RAD51B: variants seen among roughly 807,000 people sequenced by gnomAD.
RAD51B encodes the protein DNA repair protein RAD51 homolog 2.
In RAD51B, 38 loss-of-function variants were observed where a neutral mutation model predicts 42.2. That is an observed-to-expected ratio of 0.90 (90% CI 0.70 to 1.18). RAD51B has a LOEUF of 1.18. Among genes scored for constraint, RAD51B ranks in the 50% most tolerant of loss-of-function variants. The pLI is 0.00. For missense variants in RAD51B, 373 were observed against 400.7 expected (o/e 0.93, Z 0.59); for synonymous variants, 154 against 145.2 (o/e 1.06, Z -0.43).
intron 9 of RAD51B, among the ~76,000 whole-genome samples, chr14:68,457,708 C>A (rs1488359427): frequency 6.6e-6 from 1 of 151,822 alleles, no homozygotes; most frequent in Non-Finnish European, 1.5e-5. Context: ...AAGCGATTCT[C>A]CTGCCTCAGC....
At chr14:68,201,924 G>A (rs184093861) in intron 7 of RAD51B, among the ~76,000 whole-genome samples, 24 of 152,314 alleles carry the variant, frequency 1.6e-4, no homozygotes, top group African/African-American at 5.5e-4. Flanking sequence ...AAGCACAGGT[G>A]TGTCAAAGCA....
chr14:68,396,044 C>T (rs904543878), intron 8 of RAD51B, among the ~76,000 whole-genome samples: 13 of 152,102 alleles, frequency 8.5e-5, no homozygotes, highest in South Asian at 2.1e-4. Flanking sequence ...AAAACAAGGA[C>T]GGACTCCTGG....
chr14:68,515,939 C>T (rs1028837744), intron 10 of RAD51B, among the ~76,000 whole-genome samples: 5 of 151,924 alleles, frequency 3.3e-5, no homozygotes, highest in Non-Finnish European at 7.4e-5. Flanking sequence ...GCACCCACCA[C>T]CATGCCCGGG....
chr14:68,308,610 T>C (rs1177131328), intron 8 of RAD51B, among the ~76,000 whole-genome samples: 1 of 150,900 alleles, frequency 6.6e-6, no homozygotes, highest in Non-Finnish European at 1.5e-5. Context: ...TAGAGGAGGC[T>C]GAATCAGATG....
intron 8 of RAD51B, among the ~76,000 whole-genome samples, chr14:68,317,124 T>C (rs1038950608): frequency 1.3e-5 from 2 of 152,154 alleles, no homozygotes; most frequent in Non-Finnish European, 2.9e-5. Flanking sequence ...TTAGCACTTA[T>C]ATTTCAGAAC....
intron 10 of RAD51B, among the ~76,000 whole-genome samples, chr14:68,505,911 G>A (rs118020321): frequency 6.6e-6 from 1 of 152,336 alleles, no homozygotes; most frequent in Non-Finnish European, 1.5e-5. Flanking sequence ...ATGTACTGCT[G>A]AGGGAATCAT....
At chr14:67,892,376 A>G (rs1595069309) in intron 7 of RAD51B, among the ~76,000 whole-genome samples, 1 of 152,170 alleles carries the variant, frequency 6.6e-6, no homozygotes, top group Non-Finnish European at 1.5e-5. Flanking sequence ...CTTAAAAGTT[A>G]GTAAGTAGGT....
chr14:68,267,084 A>G (rs2139569952), intron 7 of RAD51B, among the ~76,000 whole-genome samples: 1 of 152,316 alleles, frequency 6.6e-6, no homozygotes, highest in Admixed American at 6.5e-5. Context: ...TTGTAAGTCT[A>G]ACCCAGTGCA....
intron 9 of RAD51B, among the ~76,000 whole-genome samples, chr14:68,463,728 T>C (rs2085905509): frequency 6.6e-6 from 1 of 152,238 alleles, no homozygotes; most frequent in Non-Finnish European, 1.5e-5. Flanking sequence ...TCCAGTCCTC[T>C]TACCATGATG....
chr14:68,229,384 C>A (rs1167433656), intron 7 of RAD51B, among the ~76,000 whole-genome samples: 1 of 152,028 alleles, frequency 6.6e-6, no homozygotes, highest in Non-Finnish European at 1.5e-5. Flanking sequence ...CCTAGAGGGC[C>A]CTTTGTGGAT....
intron 7 of RAD51B, among the ~76,000 whole-genome samples, chr14:68,039,364 G>T (rs533545429): frequency 4.2e-4 from 62 of 148,248 alleles, no homozygotes; most frequent in African/African-American, 1.6e-3. Flanking sequence ...AGAGGCGAAG[G>T]TTGCTGTGAG....
chr14:68,673,860 C>T (rs183551995), intron 11 of RAD51B, among the ~76,000 whole-genome samples: 1 of 133,984 alleles, frequency 7.5e-6, no homozygotes, highest in East Asian at 2.1e-4. Context: ...CACACTCATA[C>T]ATGTACACAT....
chr14:68,148,300 A>T (rs1220098312), intron 7 of RAD51B, among the ~76,000 whole-genome samples: 1 of 152,178 alleles, frequency 6.6e-6, no homozygotes, highest in Non-Finnish European at 1.5e-5. Flanking sequence ...TTTGACTACA[A>T]ATTTTTGAAA....
chr14:67,936,250 T>A (rs1311846788), intron 7 of RAD51B, among the ~76,000 whole-genome samples: 1 of 152,184 alleles, frequency 6.6e-6, no homozygotes, highest in Non-Finnish European at 1.5e-5. Context: ...ACTCTCTCAC[T>A]CTGCATTTCC....
chr14:67,846,360 C>T (rs554320846), intron 4 of RAD51B, among the ~76,000 whole-genome samples: 11 of 152,198 alleles, frequency 7.2e-5, no homozygotes, highest in South Asian at 4.1e-4. Flanking sequence ...GCAATGGCCA[C>T]GCAGTGGTGG....
intron 9 of RAD51B, among the ~76,000 whole-genome samples, chr14:68,447,540 G>C (rs924008975): frequency 2.0e-5 from 3 of 151,710 alleles, no homozygotes; most frequent in African/African-American, 2.4e-5. Flanking sequence ...GGCTTATAAG[G>C]CTCTTTGAAA....
rs185831606 is a variant in RAD51B, at chr14:67,889,461, C to T, written c.756+2257C>T. Among the ~76,000 whole-genome samples the T allele has an allele frequency of 3.0e-3, 439 of 148,538 alleles. 3 individuals carry two copies. The highest frequency in any genetic ancestry group is 5.3e-3 in the Non-Finnish European group (356 of 67,208). On this transcript the variant is annotated intron_variant, in intron 7 of 10. Coordinates refer to ENST00000471583, the MANE Select transcript of RAD51B (RefSeq NM_133510.4). ...ATTTGCTAAATTAAATTATTGCTTGCTATATATATAAGCTTACCTCACAGA... is the reference window on the plus strand; with the variant it reads ...ATTTGCTAAATTAAATTATTGCTTGTTATATATATAAGCTTACCTCACAGA...
At chr14:68,271,641 C>G (rs2081106072) in intron 7 of RAD51B, among the ~76,000 whole-genome samples, 1 of 152,142 alleles carries the variant, frequency 6.6e-6, no homozygotes, top group African/African-American at 2.4e-5. Flanking sequence ...TAGAAGCCCT[C>G]TAAGCTCATT....
chr14:68,621,095 C>G (rs181972358), intron 10 of RAD51B, among the ~76,000 whole-genome samples: 29 of 152,334 alleles, frequency 1.9e-4, no homozygotes, highest in African/African-American at 6.7e-4. Context: ...GATTCTCTCA[C>G]TTCTCACTTA....
Sources: gnomAD v4.1 joint callset for allele counts (sites outside exome capture counted in the v4.1 genomes callset) on GRCh38, gnomAD v4.1.1 for gene constraint, MANE v1.5 for transcripts, NCBI Gene and HGNC (gene_info 2026-07-23, HGNC 2026-07-21) for gene names.